PITPNM2: variants seen among roughly 807,000 people sequenced by gnomAD.
PITPNM2 encodes the protein membrane-associated phosphatidylinositol transfer protein 2.
In PITPNM2, 35 loss-of-function variants were observed where a neutral mutation model predicts 132.2. The ratio of observed to expected loss-of-function variants is 0.26; its 90% CI spans 0.20 to 0.35. The LOEUF (loss-of-function observed/expected upper bound fraction) is 0.35. Among genes scored for constraint, PITPNM2 ranks in the 10% least tolerant of loss-of-function variants. The pLI is 1.00. For synonymous variants in PITPNM2, 738 were observed against 799.2 expected, an observed-to-expected ratio of 0.92 and a Z score of 1.29; for missense variants, 1,332 against 1,912.0, an observed-to-expected ratio of 0.70 and a Z score of 5.66.
Position 123,108,044 on chromosome 12 carries a change from G to A in PITPNM2, c.-96+2341C>T, listed in dbSNP as rs2042756789. 6.6e-6 allele frequency among the ~76,000 whole-genome samples: 1 copy of A among 152,222 alleles called. No homozygotes were observed. Among genetic ancestry groups the A allele is most frequent in the Admixed American group, 6.5e-5 (1 of 15,286 alleles). On this transcript the variant is annotated intron_variant, in intron 2 of 25. Coordinates refer to ENST00000320201, the MANE Select transcript of PITPNM2 (RefSeq NM_020845.3). The surrounding 1 kb of genome is among the most constrained non-coding windows in gnomAD (Gnocchi z 4.4). ...GGCTTGGAAGGTGAAACAGGAACCT[G>A]ACAGGTAGAGGTGGGAAGAGGGAAT...
intron 18 of PITPNM2, 51 bp from the exon 19 acceptor site, chr12:122,988,923 AC>A: frequency 6.7e-7 from 1 of 1,486,784 alleles, no homozygotes; most frequent in Non-Finnish European, 9.0e-7. Context: ...CCAGACAGGG[AC>A]CCCGAAGGGT....
At chr12:123,071,018 C>T (rs1376831342) in intron 2 of PITPNM2, among the ~76,000 whole-genome samples, 3 of 152,218 alleles carry the variant, frequency 2.0e-5, no homozygotes, top group Non-Finnish European at 2.9e-5. Flanking sequence ...ATCCAGCTGG[C>T]CCAGCTCAGT....
Position 122,992,748 on chromosome 12 carries a change from G to T in PITPNM2, c.2234-79C>A. 2 of 1,177,962 alleles carry T rather than the reference G, an allele frequency of 1.7e-6. No individual in the cohort carries two copies. Among genetic ancestry groups the T allele is most frequent in the Non-Finnish European group, 1.2e-6 (1 of 838,482 alleles). 73.0% of individuals were successfully genotyped at this position (1,177,962 alleles called of 1,614,324 possible). A position where few individuals can be genotyped will look rare whatever the true frequency, so the allele number is the denominator to read the frequency against. On this transcript the variant is annotated intron_variant, in intron 15 of 25. Coordinates refer to ENST00000320201, the MANE Select transcript of PITPNM2 (RefSeq NM_020845.3). The surrounding 1 kb of genome is among the most constrained non-coding windows in gnomAD (Gnocchi z 6.5). ...TGGGGGTGGGAAATTTGGGAACTGG[G>T]CACTGGGTTGTCTGCTGAAAGTTAG...
At chr12:123,133,798 A>ACT (rs1452469912) in intron 1 of PITPNM2, among the ~76,000 whole-genome samples, 1 of 83,058 alleles carries the variant, frequency 1.2e-5, no homozygotes, top group Non-Finnish European at 3.5e-5. Flanking sequence ...ATGAACACAC[A>ACT]CACACACACA....
chr12:123,135,392 C>A (rs1284005026), intron 1 of PITPNM2, among the ~76,000 whole-genome samples: 6 of 152,044 alleles, frequency 3.9e-5, no homozygotes, highest in African/African-American at 1.4e-4. Flanking sequence ...TGACCCCCCC[C>A]CTTAACAAAA....
chr12:123,112,760 T>A (rs185668743), intron 1 of PITPNM2, among the ~76,000 whole-genome samples: 1 of 151,996 alleles, frequency 6.6e-6, no homozygotes, highest in Non-Finnish European at 1.5e-5. Flanking sequence ...GGATGGTCTT[T>A]ATCTCCTGAC....
At chr12:123,072,183 A>G (rs2041638149) in intron 2 of PITPNM2, among the ~76,000 whole-genome samples, 1 of 152,204 alleles carries the variant, frequency 6.6e-6, no homozygotes, top group African/African-American at 2.4e-5. Flanking sequence ...AGTGCTGGGC[A>G]CACACCATCC....
intron 2 of PITPNM2, among the ~76,000 whole-genome samples, chr12:123,107,111 A>G (rs1004006278): frequency 6.6e-6 from 1 of 152,212 alleles, no homozygotes; most frequent in African/African-American, 2.4e-5. Flanking sequence ...CTGTGGTCTG[A>G]GGCCCTGCCC....
At chr12:123,034,710 G>A (rs1566259372) in intron 2 of PITPNM2, 25 bp from the exon 3 acceptor site, 8 of 813,794 alleles carry the variant, frequency 9.8e-6, no homozygotes, top group African/African-American at 3.3e-5. Flanking sequence ...GGACAGAACA[G>A]AACAGTCACT....
chr12:123,079,274 T>C (rs2041880856), intron 2 of PITPNM2, among the ~76,000 whole-genome samples: 1 of 151,472 alleles, frequency 6.6e-6, no homozygotes, highest in African/African-American at 2.4e-5. Flanking sequence ...CACAGAGACA[T>C]CTAAGTTGGG....
intron 1 of PITPNM2, among the ~76,000 whole-genome samples, chr12:123,139,603 A>G (rs2043458518): frequency 2.0e-5 from 3 of 151,798 alleles, no homozygotes; most frequent in Admixed American, 2.0e-4. Context: ...GCTTCCAGAG[A>G]CCCTTCCTGT....
chr12:123,012,720 A>G lies in PITPNM2; in HGVS notation c.308T>C (p.Phe103Ser). The change falls in exon 5 of 26, where the codon TTC becomes TCC. Residue 103 changes from phenylalanine (F) to serine (S), a missense_variant. By Grantham distance (155) the Phe-to-Ser change is radical (BLOSUM62 -2). Coordinates refer to ENST00000320201, the MANE Select transcript of PITPNM2 (RefSeq NM_020845.3). Reference protein sequence around the residue: ...PYTRTRFTCPFVEKFSIDIET... With the variant: ...PYTRTRFTCPSVEKFSIDIET... ...AATGTCGATGGAGAATTTCTCCACG[A>G]AAGGACAGGTGAACCTGTGCGGAAA... 6.2e-7 allele frequency: 1 copy of G among 1,614,132 alleles called. No individual in the cohort carries two copies. Among genetic ancestry groups the G allele is most frequent in the Non-Finnish European group, 8.5e-7 (1 of 1,179,974 alleles).
chr12:123,056,782 C>T (rs373803249), intron 2 of PITPNM2, among the ~76,000 whole-genome samples: 5 of 152,282 alleles, frequency 3.3e-5, no homozygotes, highest in African/African-American at 1.2e-4. Context: ...ATCAGGGGTC[C>T]TGTGCCCAAG....
At chr12:123,125,702 G>C (rs1005005380) in intron 1 of PITPNM2, among the ~76,000 whole-genome samples, 3 of 150,530 alleles carry the variant, frequency 2.0e-5, no homozygotes, top group African/African-American at 7.3e-5. Flanking sequence ...AATTAGCTGG[G>C]CGTGGTGGCA....
At chr12:123,007,111 C>T (rs2038967285) in intron 6 of PITPNM2, among the ~76,000 whole-genome samples, 1 of 152,192 alleles carries the variant, frequency 6.6e-6, no homozygotes, top group Non-Finnish European at 1.5e-5. Context: ...GGTCTCAGCA[C>T]ACAGATGTGT....
chr12:123,029,582 T>C (rs542573868), intron 3 of PITPNM2, among the ~76,000 whole-genome samples: 1 of 152,130 alleles, frequency 6.6e-6, no homozygotes, highest in Admixed American at 6.5e-5. Context: ...TGAGACTTCA[T>C]CTCAAAAAAA....
At chr12:123,142,559 A>G (rs2043526932) in intron 1 of PITPNM2, among the ~76,000 whole-genome samples, 1 of 152,240 alleles carries the variant, frequency 6.6e-6, no homozygotes, top group Admixed American at 6.5e-5. Context: ...CCTGACTGCC[A>G]TGGGGAAGGC....
chr12:123,150,167 C>T lies in PITPNM2; in HGVS notation c.-200+586G>A, dbSNP rs2043698879. On this transcript the variant is annotated intron_variant, in intron 1 of 25. Transcript: ENST00000320201. The surrounding 1 kb of genome is among the most constrained non-coding windows in gnomAD (Gnocchi z 6.0). Reference sequence around the variant, plus strand: ...CTCTCCCCAAGGCCCCCCGATCAGCCCTGCCACGGATAAGAAAGGATTCGG... The same window carrying T: ...CTCTCCCCAAGGCCCCCCGATCAGCTCTGCCACGGATAAGAAAGGATTCGG... Among the ~76,000 whole-genome samples, 2 of 152,116 alleles carry T rather than the reference C, an allele frequency of 1.3e-5. No individual in the cohort carries two copies. Among genetic ancestry groups the T allele is most frequent in the Non-Finnish European group, 2.9e-5 (2 of 68,018 alleles).
chr12:123,004,432 G>A lies in PITPNM2; in HGVS notation c.1010C>T (p.Ser337Leu), dbSNP rs781701231. ...EWRMQSIARD[S>L]DESSDDEFFD... ...GAACTCATCATCTGAGCTCTCATCC[G>A]AGTCCCTGGCAATACTCTGCATCCT... Residue 337 changes from serine to leucine, a missense_variant, in exon 8 of 26, where the codon TCG (serine) becomes TTG (leucine). This residue lies in a region of PITPNM2 where 710 missense variants were observed against 911.5 expected (regional missense o/e 0.78). Transcript: ENST00000320201. The surrounding 1 kb of genome is among the most constrained non-coding windows in gnomAD (Gnocchi z 4.9). The A allele has an allele frequency of 8.7e-6, 14 of 1,613,886 alleles. No homozygotes were observed. Among genetic ancestry groups the A allele is most frequent in the African/African-American group, 2.7e-5 (2 of 74,936 alleles).
Sources: allele counts gnomAD v4.1 joint callset (sites outside exome capture counted in the v4.1 genomes callset), GRCh38; gene constraint gnomAD v4.1.1; regional missense constraint gnomAD v4.1.1; non-coding constraint Gnocchi (gnomAD v3.1); transcripts MANE v1.5; gene names NCBI Gene and HGNC (gene_info 2026-07-23, HGNC 2026-07-21).